KCTD8: variants seen among roughly 807,000 people sequenced by gnomAD.
The protein encoded by KCTD8 is BTB/POZ domain-containing protein KCTD8.
A neutral mutation model predicts 31.5 loss-of-function variants in KCTD8; 27 were observed. The observed-to-expected ratio is 0.86, with a 90% CI of 0.63 to 1.18. The LOEUF is 1.18. Ranked by LOEUF, KCTD8 falls within the 50% of genes most tolerant of loss-of-function variation. KCTD8 has a pLI of 0.00. For missense variants in KCTD8, 658 were observed against 647.7 expected (o/e 1.02, Z -0.17); for synonymous variants, 290 against 280.0 (o/e 1.04, Z -0.36).
intron 1 of KCTD8, among the ~76,000 whole-genome samples, chr4:44,262,237 A>T (rs1716201975): frequency 6.6e-6 from 1 of 152,054 alleles, no homozygotes. Context: ...ATGGGGAAGG[A>T]TGCTTGATTA....
intron 1 of KCTD8, among the ~76,000 whole-genome samples, chr4:44,422,099 T>C (rs896513291): frequency 1.3e-5 from 2 of 152,100 alleles, no homozygotes; most frequent in African/African-American, 2.4e-5. Flanking sequence ...GAATCATACT[T>C]GGCATTCATA....
At chr4:44,398,150 T>C (rs1395055418) in intron 1 of KCTD8, among the ~76,000 whole-genome samples, 3 of 152,200 alleles carry the variant, frequency 2.0e-5, no homozygotes, top group African/African-American at 7.2e-5. Context: ...AGTAAATAGC[T>C]GGAATTTATA....
intron 1 of KCTD8, among the ~76,000 whole-genome samples, chr4:44,372,124 T>C (rs2109437016): frequency 6.6e-6 from 1 of 152,324 alleles, no homozygotes; most frequent in South Asian, 2.1e-4. Flanking sequence ...AATTATTCAG[T>C]CTTTTAATAA....
At chr4:44,234,316 G>C (rs906962660) in intron 1 of KCTD8, among the ~76,000 whole-genome samples, 3 of 152,122 alleles carry the variant, frequency 2.0e-5, no homozygotes, top group African/African-American at 7.2e-5. Flanking sequence ...GGGACAGCAG[G>C]AGACACTAGG....
At chr4:44,437,610 A>C (rs1221277999) in intron 1 of KCTD8, among the ~76,000 whole-genome samples, 1 of 152,148 alleles carries the variant, frequency 6.6e-6, no homozygotes, top group Non-Finnish European at 1.5e-5. Flanking sequence ...TGTTTTATTA[A>C]TAGCAATATA....
intron 1 of KCTD8, among the ~76,000 whole-genome samples, chr4:44,407,311 C>A (rs1270950027): frequency 1.3e-5 from 2 of 151,944 alleles, no homozygotes; most frequent in Admixed American, 1.3e-4. Context: ...ACTCCTAAAT[C>A]ATCTCTATAC....
intron 1 of KCTD8, among the ~76,000 whole-genome samples, chr4:44,276,457 T>C (rs1240267816): frequency 6.6e-6 from 1 of 151,982 alleles, no homozygotes; most frequent in African/African-American, 2.4e-5. Context: ...ATCTAAGGAT[T>C]CAAAATTGTT....
chr4:44,277,252 A>T (rs1032355616), intron 1 of KCTD8, among the ~76,000 whole-genome samples: 4 of 151,892 alleles, frequency 2.6e-5, no homozygotes, highest in African/African-American at 9.7e-5. Context: ...GACAAAACAA[A>T]TAAAAAGAAA....
At chr4:44,202,340 C>A (rs1714175536) in intron 1 of KCTD8, among the ~76,000 whole-genome samples, 1 of 152,094 alleles carries the variant, frequency 6.6e-6, no homozygotes, top group Non-Finnish European at 1.5e-5. Flanking sequence ...ATGTTCATTG[C>A]AGCACTATTC....
At chr4:44,316,795 GAAAAAAAAAAAA>G (rs71188270) in intron 1 of KCTD8, among the ~76,000 whole-genome samples, 3,882 of 40,568 alleles carry the variant, frequency 0.096, 255 homozygotes, top group African/African-American at 0.24. Context: ...CTAAAAATAC[GAAAAAAAAAAAA>G]AAAAAAAAAA....
At chr4:44,347,127 G>T (rs1179574787) in intron 1 of KCTD8, among the ~76,000 whole-genome samples, 1 of 152,224 alleles carries the variant, frequency 6.6e-6, no homozygotes, top group East Asian at 1.9e-4. Flanking sequence ...TATAATTCCA[G>T]ACCTTCTTAA....
chr4:44,270,033 G>T (rs138268774), intron 1 of KCTD8, among the ~76,000 whole-genome samples: 1 of 151,810 alleles, frequency 6.6e-6, no homozygotes, highest in Non-Finnish European at 1.5e-5. Context: ...CAGCCATCCC[G>T]TTACTGGGTA....
intron 1 of KCTD8, among the ~76,000 whole-genome samples, chr4:44,196,970 C>T (rs956289466): frequency 6.6e-6 from 1 of 152,210 alleles, no homozygotes; most frequent in Admixed American, 6.5e-5. Flanking sequence ...AGACTCCACT[C>T]TTGCTTCCAG....
chr4:44,180,437 T>C (rs1358071673), intron 1 of KCTD8, among the ~76,000 whole-genome samples: 1 of 152,206 alleles, frequency 6.6e-6, no homozygotes, highest in Non-Finnish European at 1.5e-5. Flanking sequence ...TTATTTGCTA[T>C]TAAATAAACT....
intron 1 of KCTD8, among the ~76,000 whole-genome samples, chr4:44,234,841 T>C (rs569526354): frequency 6.6e-6 from 1 of 152,288 alleles, no homozygotes; most frequent in Non-Finnish European, 1.5e-5. Flanking sequence ...ATTATCACTT[T>C]TAAACAGGAA....
Position 44,448,630 on chromosome 4 carries a change from G to A in KCTD8, c.-107C>T, listed in dbSNP as rs532964129. On this transcript the variant is annotated 5_prime_UTR_variant, in exon 1 of 2. Transcript: ENST00000360029. The surrounding 1 kb of genome is among the most constrained non-coding windows in gnomAD (Gnocchi z 4.1). ...TCCTGGCGCTCTGCGCCCTCGGACTGGGCGGCGCGTTCCTCCGACCGGGGC... is the reference window on the plus strand; with the variant it reads ...TCCTGGCGCTCTGCGCCCTCGGACTAGGCGGCGCGTTCCTCCGACCGGGGC... The A allele has an allele frequency of 1.0e-4, 123 of 1,203,874 alleles. No homozygotes were observed. Among genetic ancestry groups the A allele is most frequent in the Middle Eastern group, 9.3e-4 (3 of 3,216 alleles). The allele number at this position is 1,203,874 out of a possible 1,614,324, so 74.6% of individuals were successfully genotyped here.
intron 1 of KCTD8, among the ~76,000 whole-genome samples, chr4:44,304,819 C>A (rs1329592540): frequency 6.6e-6 from 1 of 151,800 alleles, no homozygotes; most frequent in Non-Finnish European, 1.5e-5. Flanking sequence ...TGATGGTGGC[C>A]ACAAAAATAT....
At chr4:44,343,588 T>C (rs1163883487) in intron 1 of KCTD8, among the ~76,000 whole-genome samples, 2 of 152,162 alleles carry the variant, frequency 1.3e-5, no homozygotes, top group Admixed American at 1.3e-4. Context: ...CTTCAATTTA[T>C]TAAAAAATTG....
At chr4:44,365,533 T>TA (rs1037558824) in intron 1 of KCTD8, among the ~76,000 whole-genome samples, 87 of 151,840 alleles carry the variant, frequency 5.7e-4, no homozygotes, top group Admixed American at 2.3e-3. Flanking sequence ...TGACATTAAG[T>TA]AAAAAAAACA....
Sources: allele counts gnomAD v4.1 joint callset (sites outside exome capture counted in the v4.1 genomes callset), GRCh38; gene constraint gnomAD v4.1.1; non-coding constraint Gnocchi (gnomAD v3.1); transcripts MANE v1.5; gene names NCBI Gene and HGNC (gene_info 2026-07-23, HGNC 2026-07-21).